The following UTRN variants were observed in gnomAD, a reference collection of about 807,000 sequenced individuals.
The protein encoded by UTRN is utrophin, also known as dystrophin-related protein 1.
In UTRN, 283 loss-of-function variants were observed where a neutral mutation model predicts 463.9. That is an observed-to-expected ratio of 0.61 (90% confidence interval 0.55 to 0.67). The LOEUF (loss-of-function observed/expected upper bound fraction) is 0.67. Ranked by LOEUF, UTRN falls within the 30% of genes least tolerant of loss-of-function variation. The pLI, the probability that UTRN is intolerant of heterozygous loss-of-function variation, is 0.00. For missense variants in UTRN, 3,922 were observed against 4,084.3 expected (o/e 0.96, Z 1.08); for synonymous variants, 1,442 against 1,431.5 (o/e 1.01, Z -0.17).
intron 43 of UTRN, among the ~76,000 whole-genome samples, chr6:144,537,076 T>C (rs1797603107): frequency 6.6e-6 from 1 of 152,094 alleles, no homozygotes; most frequent in Admixed American, 6.5e-5. Context: ...GATTCTCCCA[T>C]TCTTGATACC....
chr6:144,699,295 G>A (rs966964084), intron 52 of UTRN, among the ~76,000 whole-genome samples: 4 of 151,844 alleles, frequency 2.6e-5, no homozygotes, highest in Admixed American at 6.6e-5. Flanking sequence ...AAAATTAACC[G>A]GGCATGGTGG....
chr6:144,440,925 A>G (rs1242017231), intron 13 of UTRN, among the ~76,000 whole-genome samples: 4 of 152,228 alleles, frequency 2.6e-5, no homozygotes, highest in African/African-American at 7.2e-5. Context: ...TTGTGCAGGG[A>G]AACTCCTTTT....
chr6:144,842,110 CAAAAAAAA>C (rs35954430), intron 73 of UTRN, among the ~76,000 whole-genome samples: 5 of 62,070 alleles, frequency 8.1e-5, no homozygotes, highest in Non-Finnish European at 1.0e-4. Flanking sequence ...ACTTCCTCTC[CAAAAAAAA>C]AAAAAAAAAA....
rs1562513684 is a variant in UTRN, at chr6:144,516,794, T to C, written c.5404-17T>C. The C allele has an allele frequency of 1.4e-6, 2 of 1,438,896 alleles. No individual in the cohort carries two copies. Among genetic ancestry groups the C allele is most frequent in the Non-Finnish European group, 1.8e-6 (2 of 1,097,676 alleles). The allele number at this position is 1,438,896 out of a possible 1,614,324, so 89.1% of individuals were successfully genotyped here. ...TTTTTCTTTTGAGTCATTTTTTTTT[T>C]CCTTTTAAAAATTTAGATGGATGAG... On this transcript the variant is annotated splice_polypyrimidine_tract_variant and intron_variant, in intron 38 of 74. Coordinates refer to ENST00000367545, the MANE Select transcript of UTRN (RefSeq NM_007124.3).
chr6:144,456,492 A>G (rs1788828730), intron 19 of UTRN, among the ~76,000 whole-genome samples: 1 of 151,908 alleles, frequency 6.6e-6, no homozygotes, highest in Non-Finnish European at 1.5e-5. Context: ...GTCTCTACTA[A>G]AAATACAAAA....
chr6:144,373,645 G>A (rs1022373351), intron 2 of UTRN, among the ~76,000 whole-genome samples: 2 of 152,170 alleles, frequency 1.3e-5, no homozygotes, highest in East Asian at 1.9e-4. Flanking sequence ...TCGTACATCC[G>A]TTAAATCCGG....
At chr6:144,346,933 T>TCGATCTC (rs1777636622) in intron 2 of UTRN, among the ~76,000 whole-genome samples, 12 of 152,078 alleles carry the variant, frequency 7.9e-5, no homozygotes, top group Admixed American at 5.9e-4. Context: ...ATCTCTATCT[T>TCGATCTC]TATCCAGCTG....
chr6:144,487,496 C>A (rs1792579871), intron 28 of UTRN, 52 bp from the exon 29 acceptor site: 1 of 1,512,996 alleles, frequency 6.6e-7, no homozygotes, highest in East Asian at 2.4e-5. Context: ...ATCCTTGATA[C>A]CTTTTGCCTT....
intron 2 of UTRN, among the ~76,000 whole-genome samples, chr6:144,306,903 A>C (rs565729751): frequency 7.5e-5 from 11 of 146,500 alleles, no homozygotes; most frequent in Non-Finnish European, 1.5e-4. Context: ...TAAAAATACA[A>C]AAAAAAAAAA....
chr6:144,625,942 A>C (rs1775898004), intron 51 of UTRN, among the ~76,000 whole-genome samples: 1 of 152,214 alleles, frequency 6.6e-6, no homozygotes, highest in Non-Finnish European at 1.5e-5. Flanking sequence ...AAGGAAAAAA[A>C]ATCAGTTTCT....
intron 51 of UTRN, among the ~76,000 whole-genome samples, chr6:144,667,066 C>T (rs182488344): frequency 2.0e-3 from 304 of 152,082 alleles, no homozygotes; most frequent in African/African-American, 6.8e-3. Context: ...TCTTCTTCTT[C>T]TTCTTTTAGA....
intron 58 of UTRN, among the ~76,000 whole-genome samples, chr6:144,765,275 G>A (rs1193266253): frequency 6.6e-6 from 1 of 152,048 alleles, no homozygotes; most frequent in Admixed American, 6.5e-5. Flanking sequence ...TTGTCTTATT[G>A]TTTTGTAACA....
chr6:144,350,256 TAA>T (rs11443344), intron 2 of UTRN, among the ~76,000 whole-genome samples: 1 of 142,182 alleles, frequency 7.0e-6, no homozygotes, highest in Non-Finnish European at 1.6e-5. Flanking sequence ...GACTGTTTTC[TAA>T]AAAAAAAAAA....
intron 2 of UTRN, among the ~76,000 whole-genome samples, chr6:144,333,509 C>G (rs1421767858): frequency 6.6e-6 from 1 of 152,154 alleles, no homozygotes; most frequent in Non-Finnish European, 1.5e-5. Flanking sequence ...TGTAAATTCT[C>G]TTATAATGCC....
intron 2 of UTRN, among the ~76,000 whole-genome samples, chr6:144,393,264 T>C (rs979652411): frequency 2.6e-5 from 4 of 152,162 alleles, no homozygotes; most frequent in Non-Finnish European, 5.9e-5. Context: ...TGAGCTAAAT[T>C]TGCAACTCCT....
chr6:144,547,902 A>T (rs1209731667), intron 46 of UTRN, among the ~76,000 whole-genome samples: 1 of 152,204 alleles, frequency 6.6e-6, no homozygotes, highest in South Asian at 2.1e-4. Context: ...GAATTTACAG[A>T]TTGGCTATAC....
intron 58 of UTRN, among the ~76,000 whole-genome samples, chr6:144,763,368 T>C (rs1334359979): frequency 1.3e-5 from 2 of 152,218 alleles, no homozygotes; most frequent in Admixed American, 1.3e-4. Context: ...TTATTGATAA[T>C]CCTGCAAAGC....
chr6:144,452,123 C>T (rs1788384765), intron 18 of UTRN, among the ~76,000 whole-genome samples: 1 of 152,118 alleles, frequency 6.6e-6, no homozygotes, highest in Non-Finnish European at 1.5e-5. Flanking sequence ...AGCAAAAAAT[C>T]AACTTGTAAA....
intron 51 of UTRN, among the ~76,000 whole-genome samples, chr6:144,601,355 G>C (rs895874859): frequency 6.6e-6 from 1 of 152,220 alleles, no homozygotes; most frequent in African/African-American, 2.4e-5. Context: ...GAGCATTCTT[G>C]ATTAATGGCA....
Sources: gnomAD v4.1 joint callset for allele counts (sites outside exome capture counted in the v4.1 genomes callset) on GRCh38, gnomAD v4.1.1 for gene constraint, MANE v1.5 for transcripts, NCBI Gene and HGNC (gene_info 2026-07-23, HGNC 2026-07-21) for gene names.